SLC25A20: variants seen among roughly 807,000 people sequenced by gnomAD.
SLC25A20 encodes solute carrier family 25 member 20, also known as mitochondrial carnitine/acylcarnitine carrier protein.
In SLC25A20, 29 loss-of-function variants were observed where a neutral mutation model predicts 39.7. The ratio of observed to expected loss-of-function variants is 0.73; its 90% CI spans 0.54 to 1.00. The LOEUF (loss-of-function observed/expected upper bound fraction) is 1.00, where lower values mean the gene tolerates loss of function less well. Ranked by LOEUF, SLC25A20 falls within the 50% of genes least tolerant of loss-of-function variation. The pLI is 0.00. For synonymous variants in SLC25A20, 103 were observed against 142.2 expected (o/e 0.72, Z 1.96); for missense variants, 333 against 379.9 (o/e 0.88, Z 1.03).
At chr3:48,887,867 C>A in intron 2 of SLC25A20, among the ~76,000 whole-genome samples, 1 of 151,450 alleles carries the variant, frequency 6.6e-6, no homozygotes, top group Non-Finnish European at 1.5e-5. Context: ...CGTGCCACTG[C>A]ACTCCAACCT....
intron 1 of SLC25A20, among the ~76,000 whole-genome samples, chr3:48,897,505 T>A (rs963836158): frequency 4.6e-5 from 7 of 151,790 alleles, no homozygotes; most frequent in African/African-American, 1.7e-4. Context: ...GACCACAGTC[T>A]GGGAAGCACT....
At position 48,881,465 on chromosome 3, in the gene SLC25A20, C is replaced by T. The variant is rs562888071; in HGVS notation, c.327-2017G>A. The stretch of plus-strand genomic sequence containing the variant: ...ACACTCAATGGCTGCCTGGCCTATT[C>T]TCCCACTCCCCACCCCCATCTCCAT... On this transcript the variant is annotated intron_variant, in intron 3 of 8. Coordinates refer to ENST00000319017, the MANE Select transcript of SLC25A20 (RefSeq NM_000387.6). Among the ~76,000 whole-genome samples, 9 of 152,244 alleles carry T rather than the reference C, an allele frequency of 5.9e-5. No homozygotes were observed. The South Asian group carries it at 1.9e-3, about 32-fold the overall frequency.
chr3:48,893,852 G>GAAAAAAAAA (rs978467478), intron 1 of SLC25A20, among the ~76,000 whole-genome samples: 2 of 69,108 alleles, frequency 2.9e-5, no homozygotes, highest in Admixed American at 1.8e-4. Flanking sequence ...CTTTAAAAAA[G>GAAAAAAAAA]AAAAAAAAAA....
chr3:48,898,692 T>C lies in SLC25A20; in HGVS notation c.103A>G (p.Lys35Glu). The C allele has an allele frequency of 6.2e-7, 1 of 1,602,314 alleles. No homozygotes were observed. Among genetic ancestry groups the C allele is most frequent in the East Asian group, 2.3e-5 (1 of 44,344 alleles). Residue 35 changes from lysine (K) to glutamate (E), a missense_variant and splice_region_variant, in exon 1 of 9, where the codon AAG (lysine) becomes GAG (glutamate). Physicochemically the swap from Lys to Glu is moderately conservative, Grantham distance 56 (BLOSUM62 1). Transcript: ENST00000319017. ...VFVGHPLDTV[K>E]VRLQTQPPSL... is the part of the protein sequence containing the mutation. ...GCCTGCGACCCAGCCTCCCGCACCT[T>C]GACCGTGTCCAGAGGGTGACCGACG...
chr3:48,897,388 A>C (rs1379588657), intron 1 of SLC25A20, among the ~76,000 whole-genome samples: 4 of 93,808 alleles, frequency 4.3e-5, no homozygotes, highest in Non-Finnish European at 9.2e-5. Context: ...TTTTTTTTTT[A>C]AGGGCGGCCC....
chr3:48,865,019 G>A (rs561209298), intron 4 of SLC25A20, among the ~76,000 whole-genome samples: 2 of 152,272 alleles, frequency 1.3e-5, no homozygotes, highest in East Asian at 1.9e-4. Flanking sequence ...GGAGGTACAG[G>A]GAAGACCAGG....
chr3:48,872,195 A>G (rs2083721900), intron 4 of SLC25A20, among the ~76,000 whole-genome samples: 1 of 151,388 alleles, frequency 6.6e-6, no homozygotes, highest in Non-Finnish European at 1.5e-5. Flanking sequence ...CAGTGGCACA[A>G]TCTTGGCTCA....
intron 4 of SLC25A20, among the ~76,000 whole-genome samples, chr3:48,868,740 G>T (rs1026912506): frequency 2.0e-5 from 3 of 152,248 alleles, no homozygotes; most frequent in South Asian, 4.1e-4. Flanking sequence ...TTAAAAAGCT[G>T]TGGCCCCCAC....
At chr3:48,864,594 T>C (rs899800026) in intron 4 of SLC25A20, among the ~76,000 whole-genome samples, 2 of 151,458 alleles carry the variant, frequency 1.3e-5, no homozygotes, top group Non-Finnish European at 2.9e-5. Context: ...CCCCAAAGTA[T>C]CCAGACATAT....
chr3:48,876,408 T>C (rs1035952851), intron 4 of SLC25A20, among the ~76,000 whole-genome samples: 4 of 151,666 alleles, frequency 2.6e-5, no homozygotes, highest in Non-Finnish European at 5.9e-5. Flanking sequence ...TATAACATTG[T>C]TTTTCTGTTT....
At chr3:48,866,804 T>C (rs1204280173) in intron 4 of SLC25A20, among the ~76,000 whole-genome samples, 5 of 151,876 alleles carry the variant, frequency 3.3e-5, no homozygotes, top group Admixed American at 2.6e-4. Context: ...TTTTTTTTTC[T>C]TTTTTTGAGA....
At chr3:48,861,131 T>C (rs1041455969) in intron 5 of SLC25A20, among the ~76,000 whole-genome samples, 19 of 152,078 alleles carry the variant, frequency 1.2e-4, no homozygotes, top group African/African-American at 4.6e-4. Context: ...CCAGCTATTA[T>C]TATTTTAATA....
chr3:48,897,076 C>T (rs1285997508), intron 1 of SLC25A20, among the ~76,000 whole-genome samples: 2 of 129,596 alleles, frequency 1.5e-5, no homozygotes, highest in East Asian at 2.2e-4. Context: ...TCTTCTTCTC[C>T]TTTTTTTTTT....
At position 48,898,866 on chromosome 3, in the gene SLC25A20, G is replaced by A. The variant is rs1004344725; in HGVS notation, c.-72C>T. On this transcript the variant is annotated 5_prime_UTR_variant, in exon 1 of 9. Transcript: ENST00000319017. ...GCTTCTCAGCCCCAGCTGCAGTGCC[G>A]GCGCCGCCGACCTTTCACCCACTTT... 2.1e-5 allele frequency: 31 copies of A among 1,450,230 alleles called. No homozygotes were observed. In the African/African-American group the frequency reaches 3.2e-4, roughly 15 times the overall value. 89.8% of individuals were successfully genotyped at this position (1,450,230 alleles called of 1,614,324 possible). A position where few individuals can be genotyped will look rare whatever the true frequency, so the allele number is the denominator to read the frequency against.
intron 2 of SLC25A20, among the ~76,000 whole-genome samples, chr3:48,889,619 T>C (rs2083858653): frequency 6.6e-6 from 1 of 152,066 alleles, no homozygotes; most frequent in African/African-American, 2.4e-5. Flanking sequence ...TTCACTCTTG[T>C]TGCCCAGGCT....
At chr3:48,880,857 T>C (rs1210992091) in intron 3 of SLC25A20, among the ~76,000 whole-genome samples, 1 of 152,186 alleles carries the variant, frequency 6.6e-6, no homozygotes, top group East Asian at 1.9e-4. Flanking sequence ...TGTGAGCCAC[T>C]GTGCCTGGCT....
chr3:48,865,392 C>T (rs2083658442), intron 4 of SLC25A20, among the ~76,000 whole-genome samples: 1 of 151,876 alleles, frequency 6.6e-6, no homozygotes, highest in African/African-American at 2.4e-5. Context: ...ACCCAAAGTG[C>T]TGGGATTACA....
chr3:48,896,248 C>A (rs184276514), intron 1 of SLC25A20, among the ~76,000 whole-genome samples: 1 of 151,598 alleles, frequency 6.6e-6, no homozygotes, highest in Non-Finnish European at 1.5e-5. Context: ...AGGCTCACTG[C>A]AGCCTCAAAC....
intron 3 of SLC25A20, among the ~76,000 whole-genome samples, chr3:48,881,912 CAG>C: frequency 6.6e-6 from 1 of 152,334 alleles, no homozygotes; most frequent in East Asian, 1.9e-4. Context: ...TAGGGACATT[CAG>C]AGAGTCATAA....
Sources: gnomAD v4.1 joint callset for allele counts (sites outside exome capture counted in the v4.1 genomes callset) on GRCh38, gnomAD v4.1.1 for gene constraint, MANE v1.5 for transcripts, NCBI Gene and HGNC (gene_info 2026-07-23, HGNC 2026-07-21) for gene names.